Variants in SERPINB7 observed in about 807,000 individuals in gnomAD.
The protein encoded by SERPINB7 is serpin family B member 7.
A neutral mutation model predicts 37.4 loss-of-function variants in SERPINB7; 31 were observed. That is an observed-to-expected ratio of 0.83 (90% CI 0.62 to 1.12). The LOEUF is 1.12. Among genes scored for constraint, SERPINB7 ranks in the 50% most tolerant of loss-of-function variants. The pLI, the probability that SERPINB7 is intolerant of heterozygous loss-of-function variation, is 0.00. For missense variants in SERPINB7, 521 were observed against 455.3 expected (o/e 1.14, Z -1.31); for synonymous variants, 163 against 166.1 (o/e 0.98, Z 0.14).
intron 7 of SERPINB7, among the ~76,000 whole-genome samples, chr18:63,803,940 C>G (rs1050441895): frequency 6.6e-6 from 1 of 152,192 alleles, no homozygotes; most frequent in Non-Finnish European, 1.5e-5. Context: ...CTTCACCTGT[C>G]TATTGCTCCA....
At chr18:63,767,627 T>C (rs2049187792) in intron 1 of SERPINB7, among the ~76,000 whole-genome samples, 1 of 152,118 alleles carries the variant, frequency 6.6e-6, no homozygotes, top group Non-Finnish European at 1.5e-5. Flanking sequence ...TGTGATGTAT[T>C]ATAATTTTTA....
At chr18:63,771,033 C>T (rs1376426166), upstream of SERPINB7, among the ~76,000 whole-genome samples, 4 of 104,500 alleles carry the variant, frequency 3.8e-5, no homozygotes, top group African/African-American at 1.1e-4. Context: ...ATGCAGTTTG[C>T]GTGGTGGGGT....
At chr18:63,783,411 T>C (rs1020052165) in intron 2 of SERPINB7, among the ~76,000 whole-genome samples, 1 of 152,256 alleles carries the variant, frequency 6.6e-6, no homozygotes, top group East Asian at 1.9e-4. Flanking sequence ...TGAAAACCAC[T>C]GCCTGAGTAG....
chr18:63,765,955 G>A (rs2049178544), intron 1 of SERPINB7, among the ~76,000 whole-genome samples: 1 of 152,104 alleles, frequency 6.6e-6, no homozygotes, highest in African/African-American at 2.4e-5. Flanking sequence ...AGTGGCTCAA[G>A]GCTATCAGGG....
intron 1 of SERPINB7, among the ~76,000 whole-genome samples, chr18:63,767,739 AT>A (rs1263028858): frequency 6.6e-6 from 1 of 152,042 alleles, no homozygotes; most frequent in Non-Finnish European, 1.5e-5. Flanking sequence ...ATTGTGTAAT[AT>A]TGGTGTTATC....
At chr18:63,794,305 T>C (rs1167464539) in intron 4 of SERPINB7, among the ~76,000 whole-genome samples, 1 of 151,438 alleles carries the variant, frequency 6.6e-6, no homozygotes, top group Non-Finnish European at 1.5e-5. Flanking sequence ...TCTATATAAC[T>C]ATCCTGTCCC....
intron 2 of SERPINB7, among the ~76,000 whole-genome samples, chr18:63,791,665 C>T (rs2144629329): frequency 6.6e-6 from 1 of 152,048 alleles, no homozygotes; most frequent in Non-Finnish European, 1.5e-5. Context: ...GGCTGGAGTG[C>T]AGTGGTGCTA....
chr18:63,778,985 A>C (rs2049276968), intron 1 of SERPINB7, among the ~76,000 whole-genome samples: 2 of 152,172 alleles, frequency 1.3e-5, no homozygotes, highest in Non-Finnish European at 2.9e-5. Context: ...CAAAATGAAA[A>C]ATCAGACTTT....
chr18:63,769,672 G>C (rs1444459599), intron 1 of SERPINB7, among the ~76,000 whole-genome samples: 1 of 151,996 alleles, frequency 6.6e-6, no homozygotes, highest in East Asian at 1.9e-4. Context: ...AATCTTTGTA[G>C]TCCTACTCTC....
Position 63,804,983 on chromosome 18 carries a change from C to G in SERPINB7, c.*348C>G. 1.4e-5 allele frequency: 3 copies of G among 217,138 alleles called. No individual in the cohort carries two copies. The highest frequency in any genetic ancestry group is 1.6e-3 in the Middle Eastern group (1 of 636). The allele number at this position is 217,138 out of a possible 1,614,324, so 13.5% of individuals were successfully genotyped here. On this transcript the variant is annotated 3_prime_UTR_variant, in exon 8 of 8. Coordinates refer to ENST00000398019, the MANE Select transcript of SERPINB7 (RefSeq NM_003784.4). The stretch of plus-strand genomic sequence containing the variant: ...GTAGCCCTAGGGATCCTTTTTGAAA[C>G]TCTACAGTTATCGCAGATATTCTAG...
rs757455830 is a variant in SERPINB7 at position 63,804,327 on chromosome 18, T to G, written c.835T>G (p.Phe279Val). Reference protein sequence around the residue: ...SKYVEVFFPQFKIEKNYEMKQ... With the variant: ...SKYVEVFFPQVKIEKNYEMKQ... ...GTATGTTGAGGTATTTTTTCCTCAG[T>G]TCAAGATAGAGAAGAATTATGAAAT... The change falls in exon 8 of 8, where the codon TTC (phenylalanine) becomes GTC (valine). Residue 279 changes from phenylalanine to valine, a missense_variant. Physicochemically the swap from Phe to Val is conservative, Grantham distance 50. Coordinates refer to ENST00000398019, the MANE Select transcript of SERPINB7 (RefSeq NM_003784.4). The G allele has an allele frequency of 1.5e-5, 25 of 1,613,394 alleles. No homozygotes were observed. Among genetic ancestry groups the G allele is most frequent in the Non-Finnish European group, 1.9e-5 (23 of 1,179,694 alleles).
Position 63,805,182 on chromosome 18 carries a change from CA to C in SERPINB7, c.*551del, listed in dbSNP as rs776484925. On this transcript the variant is annotated 3_prime_UTR_variant, in exon 8 of 8. Transcript: ENST00000398019. ...TGTGAAATTGGGATTAGGGACCAAC[CA>C]AAATATTTCATTAATGCTTTCAATT... The C allele has an allele frequency of 6.6e-6, 1 of 152,338 alleles. No homozygotes were observed. The highest frequency in any genetic ancestry group is 1.5e-5 in the Non-Finnish European group (1 of 68,206). 9.4% of individuals were successfully genotyped at this position (152,338 alleles called of 1,614,324 possible).
chr18:63,792,839 T>G (rs533911441), intron 3 of SERPINB7, among the ~76,000 whole-genome samples: 145 of 152,368 alleles, frequency 9.5e-4, no homozygotes, highest in African/African-American at 3.5e-3. Context: ...CAAGAAAGGA[T>G]GAAGTTAAAT....
intron 7 of SERPINB7, among the ~76,000 whole-genome samples, chr18:63,801,256 C>T (rs942624231): frequency 6.6e-6 from 1 of 152,186 alleles, no homozygotes; most frequent in African/African-American, 2.4e-5. Flanking sequence ...TTGGAACTCT[C>T]TCAAATGTCA....
chr18:63,790,557 C>T (rs2049416488), intron 2 of SERPINB7, among the ~76,000 whole-genome samples: 1 of 152,084 alleles, frequency 6.6e-6, no homozygotes, highest in African/African-American at 2.4e-5. Context: ...TATAGTGCCT[C>T]CTTTGTGTGA....
chr18:63,795,822 C>T (rs1029314841), intron 4 of SERPINB7, among the ~76,000 whole-genome samples: 4 of 152,076 alleles, frequency 2.6e-5, no homozygotes, highest in Admixed American at 2.0e-4. Context: ...GTGGCTATGA[C>T]GTAAGCAGGG....
intron 2 of SERPINB7, among the ~76,000 whole-genome samples, chr18:63,785,658 A>G (rs974889593): frequency 3.9e-5 from 6 of 152,030 alleles, no homozygotes; most frequent in Admixed American, 3.9e-4. Flanking sequence ...TTTGAGTGAA[A>G]GAGCTGGAAA....
At chr18:63,765,131 G>A in intron 1 of SERPINB7, among the ~76,000 whole-genome samples, 1 of 152,094 alleles carries the variant, frequency 6.6e-6, no homozygotes, top group East Asian at 1.9e-4. Context: ...ATTCAACTAT[G>A]TGTGAATAGC....
intron 2 of SERPINB7, among the ~76,000 whole-genome samples, chr18:63,788,146 G>C (rs141382140): frequency 1.3e-5 from 2 of 152,138 alleles, no homozygotes; most frequent in African/African-American, 4.8e-5. Flanking sequence ...ATAAAAGTTC[G>C]CTGTGGAACA....
Sources: gnomAD v4.1 joint callset for allele counts (sites outside exome capture counted in the v4.1 genomes callset) on GRCh38, gnomAD v4.1.1 for gene constraint, MANE v1.5 for transcripts, NCBI Gene and HGNC (gene_info 2026-07-23, HGNC 2026-07-21) for gene names.